DAB2IP: variants seen among roughly 807,000 people sequenced by gnomAD.
DAB2IP encodes disabled homolog 2-interacting protein.
DAB2IP carries 28 observed loss-of-function variants against 107.2 expected under a neutral mutation model. That is an observed-to-expected ratio of 0.26 (90% CI 0.19 to 0.36). The LOEUF (loss-of-function observed/expected upper bound fraction) is 0.36. Ranked by LOEUF, DAB2IP falls within the 10% of genes least tolerant of loss-of-function variation. DAB2IP has a pLI of 1.00. For missense variants in DAB2IP, 1,400 were observed against 1,644.7 expected, an observed-to-expected ratio of 0.85 and a Z score of 2.57; for synonymous variants, 755 against 706.4, an observed-to-expected ratio of 1.07 and a Z score of -1.09.
intron 1 of DAB2IP, among the ~76,000 whole-genome samples, chr9:121,671,145 G>A (rs887976001): frequency 2.0e-5 from 3 of 152,032 alleles, no homozygotes; most frequent in South Asian, 2.1e-4. Context: ...GTGAGACTCC[G>A]TCTAAAAAAA....
chr9:121,756,535 A>G (rs1833492631), intron 3 of DAB2IP, among the ~76,000 whole-genome samples: 1 of 152,200 alleles, frequency 6.6e-6, no homozygotes, highest in Admixed American at 6.5e-5. Flanking sequence ...GGTGTGGGAC[A>G]GTGTATGAGG....
intron 1 of DAB2IP, among the ~76,000 whole-genome samples, chr9:121,610,032 A>G (rs950912635): frequency 1.3e-5 from 2 of 149,010 alleles, no homozygotes; most frequent in African/African-American, 5.0e-5. Context: ...GGGAACTTTC[A>G]CTCTGAGCTA....
chr9:121,775,612 G>C (rs1030037950), intron 13 of DAB2IP, among the ~76,000 whole-genome samples: 1 of 152,208 alleles, frequency 6.6e-6, no homozygotes, highest in Admixed American at 6.5e-5. Flanking sequence ...GCTCCTCCCT[G>C]ATGGTTGGGG....
chr9:121,738,036 T>C (rs116353139), intron 3 of DAB2IP, among the ~76,000 whole-genome samples: 1,740 of 143,296 alleles, frequency 0.012, 30 homozygotes, highest in African/African-American at 0.043. Flanking sequence ...GCTTCCAACC[T>C]GGAGGTGGGG....
chr9:121,782,695 C>T lies in DAB2IP; in HGVS notation c.*197C>T. 2 of 1,421,404 alleles carry T rather than the reference C, an allele frequency of 1.4e-6. No individual in the cohort carries two copies. The highest frequency in any genetic ancestry group is 1.5e-5 in the South Asian group (1 of 65,862). The allele number at this position is 1,421,404 out of a possible 1,614,324, so 88.0% of individuals were successfully genotyped here. A position where few individuals can be genotyped will look rare whatever the true frequency, so the allele number is the denominator to read the frequency against. On this transcript the variant is annotated 3_prime_UTR_variant, in exon 16 of 16. Transcript: ENST00000408936. The surrounding 1 kb of genome is among the most constrained non-coding windows in gnomAD (Gnocchi z 6.1). ...ACTGAAGCAGCGTGAGGCGAGGTCA[C>T]CAGCCGCTCCCTGTGGGGTGCGGGC...
chr9:121,678,808 G>T lies in DAB2IP; in HGVS notation c.228+27G>T, dbSNP rs746482656. Reference sequence around the variant, plus strand: ...TAACTATCTCTGCGTCACCAACACCGCCACTGCCACCACCATCACCACCTC... The same window carrying T: ...TAACTATCTCTGCGTCACCAACACCTCCACTGCCACCACCATCACCACCTC... On this transcript the variant is annotated intron_variant, in intron 2 of 15. Transcript: ENST00000408936. 21 of 1,533,822 alleles carry T rather than the reference G, an allele frequency of 1.4e-5. No individual in the cohort carries two copies. The South Asian group carries it at 1.7e-4, about 12-fold the overall frequency.
At chr9:121,649,856 A>G (rs182546871), upstream of DAB2IP, among the ~76,000 whole-genome samples, 5 of 152,322 alleles carry the variant, frequency 3.3e-5, no homozygotes, top group East Asian at 1.9e-4. Context: ...TTCCTGCACC[A>G]TGTCTGCTGT....
chr9:121,750,672 A>G (rs1273051445), intron 3 of DAB2IP, among the ~76,000 whole-genome samples: 1 of 152,058 alleles, frequency 6.6e-6, no homozygotes, highest in African/African-American at 2.4e-5. Flanking sequence ...CCCCCACCCA[A>G]TAGTTGGGAA....
rs1354494980 is a variant in DAB2IP, at chr9:121,699,107, C to A, written c.229-218C>A. Among the ~76,000 whole-genome samples the A allele has an allele frequency of 6.9e-6, 1 of 145,020 alleles. No homozygotes were observed. The highest frequency in any genetic ancestry group is 1.5e-5 in the Non-Finnish European group (1 of 65,550). Reference sequence around the variant, plus strand: ...GGCTTAGGGGGCGGGGGCGACGTGGCGGGCGGGGTGGGCTGGGCCGCGCTG... The same window carrying A: ...GGCTTAGGGGGCGGGGGCGACGTGGAGGGCGGGGTGGGCTGGGCCGCGCTG... On this transcript the variant is annotated intron_variant, in intron 2 of 15. Transcript: ENST00000408936. The surrounding 1 kb of genome is among the most constrained non-coding windows in gnomAD (Gnocchi z 6.2).
intron 12 of DAB2IP, 72 bp downstream of exon 12, chr9:121,773,567 C>T (rs1292511015): frequency 1.9e-5 from 26 of 1,348,060 alleles, no homozygotes; most frequent in Non-Finnish European, 2.4e-5. Flanking sequence ...CCATACCATG[C>T]TCCTCCTCTC....
chr9:121,726,362 C>T (rs1831237394), intron 3 of DAB2IP, among the ~76,000 whole-genome samples: 2 of 152,234 alleles, frequency 1.3e-5, no homozygotes, highest in African/African-American at 2.4e-5. Flanking sequence ...TCTCCCTATG[C>T]ATCTTTTCAT....
chr9:121,752,506 C>G (rs541827850), intron 3 of DAB2IP, among the ~76,000 whole-genome samples: 1 of 152,348 alleles, frequency 6.6e-6, no homozygotes, highest in Admixed American at 6.5e-5. Context: ...CTGGATATGG[C>G]TGTCTGCCCA....
At chr9:121,665,752 A>G (rs1003892090) in intron 1 of DAB2IP, among the ~76,000 whole-genome samples, 1 of 152,228 alleles carries the variant, frequency 6.6e-6, no homozygotes, top group Admixed American at 6.5e-5. Flanking sequence ...CTTACCTTAT[A>G]TGGGAATAAG....
At chr9:121,607,170 G>A (rs1205244701) in intron 1 of DAB2IP, among the ~76,000 whole-genome samples, 2 of 152,318 alleles carry the variant, frequency 1.3e-5, no homozygotes, top group African/African-American at 4.8e-5. Context: ...CCCTGTCCTT[G>A]TAGGTGACAG....
At chr9:121,653,311 G>T (rs1191581276) in intron 1 of DAB2IP, among the ~76,000 whole-genome samples, 1 of 151,472 alleles carries the variant, frequency 6.6e-6, no homozygotes, top group Non-Finnish European at 1.5e-5. Flanking sequence ...TTATCTCAGT[G>T]GTTCAGGTTT....
intron 3 of DAB2IP, among the ~76,000 whole-genome samples, chr9:121,752,517 G>T (rs557427997): frequency 1.3e-5 from 2 of 152,350 alleles, no homozygotes; most frequent in East Asian, 3.9e-4. Context: ...TGTCTGCCCA[G>T]GGAGCCCAGG....
At chr9:121,724,928 T>C (rs1337449406) in intron 3 of DAB2IP, among the ~76,000 whole-genome samples, 2 of 151,908 alleles carry the variant, frequency 1.3e-5, no homozygotes, top group African/African-American at 2.4e-5. Flanking sequence ...GGGTGAACCA[T>C]GAGGGTCTGA....
At chr9:121,761,275 G>GAAAA (rs1833869878) in intron 6 of DAB2IP, among the ~76,000 whole-genome samples, 1 of 152,242 alleles carries the variant, frequency 6.6e-6, no homozygotes, top group Admixed American at 6.5e-5. Context: ...GCTGGCCAAA[G>GAAAA]AGGGTGGGAA....
In DAB2IP at chr9:121,651,676, G is replaced by C. The variant is rs929684884; in HGVS notation, c.-100G>C. 9.9e-5 allele frequency: 110 copies of C among 1,107,270 alleles called. No homozygotes were observed. The highest frequency in any genetic ancestry group is 3.9e-4 in the Middle Eastern group (1 of 2,562). 68.6% of individuals were successfully genotyped at this position (1,107,270 alleles called of 1,614,324 possible). A position where few individuals can be genotyped will look rare whatever the true frequency, so the allele number is the denominator to read the frequency against. ...AGGGCCTCGGCGGCCGCTCGGGCGA[G>C]CGCGGGAGAACGCGTGGGCGCCCGC... On this transcript the variant is annotated 5_prime_UTR_variant, in exon 1 of 16. Coordinates refer to ENST00000408936, the Ensembl canonical transcript of DAB2IP. This position sits in a 1 kb window ranked among gnomAD's most constrained non-coding sequence, Gnocchi z 5.1.
Sources: allele counts gnomAD v4.1 joint callset (sites outside exome capture counted in the v4.1 genomes callset), GRCh38; gene constraint gnomAD v4.1.1; non-coding constraint Gnocchi (gnomAD v3.1); transcripts MANE v1.5; gene names NCBI Gene and HGNC (gene_info 2026-07-23, HGNC 2026-07-21).